The following NCAPG2 variants were observed in gnomAD, a reference collection of about 807,000 sequenced individuals.
NCAPG2 encodes non-SMC condensin II complex subunit G2.
A neutral mutation model predicts 141.1 loss-of-function variants in NCAPG2; 53 were observed. The ratio of observed to expected loss-of-function variants is 0.38; its 90% confidence interval spans 0.30 to 0.47. The LOEUF (loss-of-function observed/expected upper bound fraction) is 0.47, where lower values mean the gene tolerates loss of function less well. NCAPG2 is among the 20% of genes least tolerant of loss of function. NCAPG2 has a pLI of 0.99. For synonymous variants in NCAPG2, 499 were observed against 490.7 expected (o/e 1.02, Z -0.22); for missense variants, 1,087 against 1,389.0 (o/e 0.78, Z 3.46).
intron 6 of NCAPG2, 77 bp downstream of exon 6, chr7:158,689,742 A>T (rs1835005723): frequency 7.5e-7 from 1 of 1,336,836 alleles, no homozygotes; most frequent in Non-Finnish European, 1.0e-6. Context: ...TGGTGCAGAC[A>T]GGAACCATGT....
intron 11 of NCAPG2, among the ~76,000 whole-genome samples, chr7:158,678,491 G>A (rs1214886705): frequency 6.6e-6 from 1 of 152,008 alleles, no homozygotes; most frequent in Non-Finnish European, 1.5e-5. Context: ...AAATTTTGTT[G>A]TCCACAAAAT....
intron 12 of NCAPG2, among the ~76,000 whole-genome samples, chr7:158,672,308 ATATATATATATATATATATATTTTTT>A (rs1833761358): frequency 1.1e-4 from 4 of 36,970 alleles, no homozygotes; most frequent in African/African-American, 4.8e-4. Flanking sequence ...ATATATATAT[ATATATATATATATATATATATTTTTT>A]TTTTTTTTTT....
intron 16 of NCAPG2, 152 bp downstream of exon 16, chr7:158,662,042 A>C: frequency 1.4e-6 from 1 of 700,120 alleles, no homozygotes; most frequent in Non-Finnish European, 2.1e-6. Flanking sequence ...AACAGAAAGA[A>C]ACTATACTGC....
At chr7:158,631,750 GA>G (rs540682249) in intron 27 of NCAPG2, 33 bp from the exon 28 acceptor site, 3 of 1,495,856 alleles carry the variant, frequency 2.0e-6, no homozygotes, top group Non-Finnish European at 1.8e-6. Flanking sequence ...TTTAGCTACA[GA>G]AAAAAGTGAC....
chr7:158,658,784 T>C (rs1832229270), intron 16 of NCAPG2, among the ~76,000 whole-genome samples: 1 of 152,162 alleles, frequency 6.6e-6, no homozygotes. Flanking sequence ...ATTAACTCTA[T>C]ACACTTGGTA....
At chr7:158,687,238 G>A (rs200400861) in intron 7 of NCAPG2, 110 bp downstream of exon 7, 23 of 639,356 alleles carry the variant, frequency 3.6e-5, no homozygotes, top group Non-Finnish European at 5.0e-5. Flanking sequence ...AATAAATAAC[G>A]TATTTCTAAA....
In NCAPG2 at chr7:158,671,466, A is replaced by C. The variant is rs184921344; in HGVS notation, c.1479+48T>G. On this transcript the variant is annotated intron_variant, in intron 13 of 27. Coordinates refer to ENST00000356309, the MANE Select transcript of NCAPG2 (RefSeq NM_017760.7). ...ACTACTTTCTTTCTGTTTGATGAACACATGTCCCTATTTCATGTCATAAGT... is the reference window on the plus strand; with the variant it reads ...ACTACTTTCTTTCTGTTTGATGAACCCATGTCCCTATTTCATGTCATAAGT... The C allele has an allele frequency of 2.1e-5, 34 of 1,602,962 alleles. No homozygotes were observed. The East Asian group carries it at 7.6e-4, about 36-fold the overall frequency.
intron 15 of NCAPG2, 100 bp downstream of exon 15, chr7:158,664,084 T>C (rs937261831): frequency 3.1e-6 from 3 of 959,600 alleles, no homozygotes; most frequent in Admixed American, 2.2e-5. Flanking sequence ...TTAACAATAC[T>C]AAAGGAACAA....
intron 13 of NCAPG2, chr7:158,668,249 CCCACTACTGGGTCCCTCTGCCCTCCT>C (rs1833374886): frequency 3.8e-6 from 2 of 523,578 alleles, no homozygotes; most frequent in African/African-American, 5.0e-5. Flanking sequence ...GCCCTCCTTA[CCCACTACTGGGTCCCTCTGCCCTCCT>C]TACCTACCTT....
intron 6 of NCAPG2, among the ~76,000 whole-genome samples, chr7:158,688,831 G>A (rs981272519): frequency 4.6e-5 from 7 of 152,270 alleles, no homozygotes; most frequent in South Asian, 2.1e-4. Context: ...ATGGCTCGCC[G>A]GGGTCCAGTT....
chr7:158,637,340 G>A (rs1336574362), intron 27 of NCAPG2, among the ~76,000 whole-genome samples: 2 of 152,268 alleles, frequency 1.3e-5, no homozygotes, highest in African/African-American at 2.4e-5. Context: ...CAGTCGCTAG[G>A]AGCCCAAACC....
At chr7:158,653,413 AG>A (rs1250885999) in intron 22 of NCAPG2, among the ~76,000 whole-genome samples, 2 of 151,490 alleles carry the variant, frequency 1.3e-5, no homozygotes, top group Non-Finnish European at 2.9e-5. Flanking sequence ...TAAACAAAAA[AG>A]CTGAAGCAAA....
At chr7:158,697,761 T>TA (rs1037760111) in intron 2 of NCAPG2, among the ~76,000 whole-genome samples, 11 of 151,850 alleles carry the variant, frequency 7.2e-5, no homozygotes, top group Non-Finnish European at 1.6e-4. Context: ...TATACAGCCA[T>TA]AAAAAAAGAA....
At chr7:158,674,977 CA>C (rs1176739959) in intron 12 of NCAPG2, among the ~76,000 whole-genome samples, 6 of 152,136 alleles carry the variant, frequency 3.9e-5, no homozygotes, top group African/African-American at 1.2e-4. Context: ...TCACCAAAGT[CA>C]GGGGGAAAAA....
rs945928092 is a variant in NCAPG2 at position 158,660,401 on chromosome 7, C to CTTTTTTTTTTTTTT, written c.1989+1779_1989+1792dup. 5.4e-4 allele frequency among the ~76,000 whole-genome samples: 39 copies of CTTTTTTTTTTTTTT among 72,806 alleles called. 4 individuals are homozygous for CTTTTTTTTTTTTTT. The highest frequency in any genetic ancestry group is 1.5e-3 in the African/African-American group (28 of 18,124). The allele number at this position is 72,806 out of a possible 152,430, so 47.8% of individuals were successfully genotyped here. ...AGTCCCAGGTCATTATTTCAGCTTT[C>CTTTTTTTTTTTTTT]TTTTTTTTTTTTTTTTTTTTTTTTT... On this transcript the variant is annotated intron_variant, in intron 16 of 27. Coordinates refer to ENST00000356309, the MANE Select transcript of NCAPG2 (RefSeq NM_017760.7).
intron 7 of NCAPG2, 138 bp from the exon 8 acceptor site, chr7:158,686,379 T>C (rs1834755981): frequency 4.0e-6 from 2 of 504,658 alleles, no homozygotes; most frequent in Non-Finnish European, 3.5e-6. Context: ...TCTATAGAAA[T>C]AGGTTATCTA....
chr7:158,673,529 A>G (rs1021411736), intron 12 of NCAPG2, among the ~76,000 whole-genome samples: 2 of 152,214 alleles, frequency 1.3e-5, no homozygotes, highest in African/African-American at 4.8e-5. Flanking sequence ...GTGGGTCTGC[A>G]CGAGGCTTTC....
chr7:158,677,243 A>G (rs1834114738), intron 11 of NCAPG2, among the ~76,000 whole-genome samples: 1 of 152,152 alleles, frequency 6.6e-6, no homozygotes, highest in African/African-American at 2.4e-5. Flanking sequence ...GAAAAGCAAA[A>G]GAAGGAAGAG....
At chr7:158,654,917 T>C in intron 21 of NCAPG2, 1 of 1,109,908 alleles carries the variant, frequency 9.0e-7, no homozygotes, top group Non-Finnish European at 1.2e-6. Flanking sequence ...GAACACCTCT[T>C]ATATGTAATG....
Sources: gnomAD v4.1 joint callset for allele counts (sites outside exome capture counted in the v4.1 genomes callset) on GRCh38, gnomAD v4.1.1 for gene constraint, MANE v1.5 for transcripts, NCBI Gene and HGNC (gene_info 2026-07-23, HGNC 2026-07-21) for gene names.